NUDT2: variants seen among roughly 807,000 people sequenced by gnomAD.
NUDT2 encodes the protein nudix hydrolase 2.
Under a neutral mutation model 14.2 loss-of-function variants are expected in NUDT2, and 12 were observed. The ratio of observed to expected loss-of-function variants is 0.84; its 90% CI spans 0.54 to 1.37. NUDT2 has a LOEUF of 1.37. Ranked by LOEUF, NUDT2 falls within the 40% of genes most tolerant of loss-of-function variation. NUDT2 has a pLI of 0.00. For synonymous variants in NUDT2, 67 were observed against 67.4 expected (o/e 0.99, Z 0.03); for missense variants, 167 against 176.7 (o/e 0.95, Z 0.31).
chr9:34,330,109 C>T (rs1228240426), intron 1 of NUDT2, among the ~76,000 whole-genome samples: 1 of 152,250 alleles, frequency 6.6e-6, no homozygotes, highest in African/African-American at 2.4e-5. Context: ...AAAGGGACAG[C>T]GTAAACAATG....
In NUDT2 at chr9:34,334,680, A is replaced by G. The variant is rs772102425; in HGVS notation, c.-264-1549A>G. Among the ~76,000 whole-genome samples, 7 of 152,306 alleles carry G rather than the reference A, an allele frequency of 4.6e-5. No homozygotes were observed. In the East Asian group the frequency reaches 5.8e-4, roughly 13 times the overall value. On this transcript the variant is annotated intron_variant, in intron 1 of 4. Coordinates refer to ENST00000379158, the MANE Select transcript of NUDT2 (RefSeq NM_001161.5). Reference sequence around the variant, plus strand: ...GTGGGGAGAGAGTTCTTTTGAGTCAATGAACATCTGTTCAGAACTGCTGTG... The same window carrying G: ...GTGGGGAGAGAGTTCTTTTGAGTCAGTGAACATCTGTTCAGAACTGCTGTG...
intron 1 of NUDT2, among the ~76,000 whole-genome samples, chr9:34,334,012 C>T (rs1314312006): frequency 6.6e-6 from 1 of 152,080 alleles, no homozygotes; most frequent in Non-Finnish European, 1.5e-5. Context: ...GCTTAATTGA[C>T]AACGCGGCAT....
intron 1 of NUDT2, among the ~76,000 whole-genome samples, chr9:34,333,387 G>T (rs1200765805): frequency 1.3e-5 from 2 of 152,058 alleles, no homozygotes; most frequent in Non-Finnish European, 1.5e-5. Context: ...AGCACTTTGG[G>T]AGGCCAAAGT....
At chr9:34,332,563 G>T (rs1156984495) in intron 1 of NUDT2, among the ~76,000 whole-genome samples, 3 of 152,184 alleles carry the variant, frequency 2.0e-5, no homozygotes, top group Non-Finnish European at 4.4e-5. Context: ...ACAGCAGATG[G>T]CACTAATAGG....
intron 2 of NUDT2, among the ~76,000 whole-genome samples, chr9:34,337,834 G>C (rs372674113): frequency 7.2e-5 from 11 of 152,016 alleles, no homozygotes; most frequent in Admixed American, 3.9e-4. Context: ...GGAGGCTAAG[G>C]GGGGAGGACC....
At chr9:34,335,350 C>T (rs763575611) in intron 1 of NUDT2, among the ~76,000 whole-genome samples, 5 of 152,240 alleles carry the variant, frequency 3.3e-5, no homozygotes, top group Non-Finnish European at 4.4e-5. Flanking sequence ...GGTGCAGAGG[C>T]AGCAGAGTTG....
intron 1 of NUDT2, among the ~76,000 whole-genome samples, chr9:34,330,284 AG>A (rs944687145): frequency 6.6e-6 from 1 of 152,186 alleles, no homozygotes; most frequent in African/African-American, 2.4e-5. Flanking sequence ...GGGCACGTAT[AG>A]TCCCTGCTAC....
intron 1 of NUDT2, among the ~76,000 whole-genome samples, chr9:34,333,667 A>G (rs1399451912): frequency 6.6e-6 from 1 of 151,162 alleles, no homozygotes; most frequent in East Asian, 1.9e-4. Flanking sequence ...AAAAAAAAAA[A>G]AAAAAGGACT....
chr9:34,335,613 T>C (rs1838071575), intron 1 of NUDT2, among the ~76,000 whole-genome samples: 1 of 152,352 alleles, frequency 6.6e-6, no homozygotes, highest in East Asian at 1.9e-4. Flanking sequence ...AATAGCTGGC[T>C]CAAGCCAAGC....
At chr9:34,340,968 C>T (rs545941068) in intron 4 of NUDT2, among the ~76,000 whole-genome samples, 98 of 152,174 alleles carry the variant, frequency 6.4e-4, no homozygotes, top group African/African-American at 2.0e-3. Context: ...TGAGCCACCA[C>T]GCCTGGCCAG....
intron 1 of NUDT2, among the ~76,000 whole-genome samples, chr9:34,330,526 T>C (rs530217687): frequency 1.0e-5 from 1 of 97,348 alleles, no homozygotes; most frequent in East Asian, 2.2e-4. Context: ...TTTGAGTCAC[T>C]TACCCAGACA....
chr9:34,343,624 CA>C lies in NUDT2; in HGVS notation c.*188del. 1.8e-6 allele frequency: 1 copy of C among 555,120 alleles called. No homozygotes were observed. Among genetic ancestry groups the C allele is most frequent in the Non-Finnish European group, 3.1e-6 (1 of 319,868 alleles). The allele number at this position is 555,120 out of a possible 1,614,324, so 34.4% of individuals were successfully genotyped here. ...AATCTTGGCTGGGTGGAAAGGAAGG[CA>C]AAAGAGTAAAAATTAAAAAGGCCAG... On this transcript the variant is annotated 3_prime_UTR_variant, in exon 5 of 5. Coordinates refer to ENST00000379158, the MANE Select transcript of NUDT2 (RefSeq NM_001161.5).
At chr9:34,341,089 C>T (rs1288508427) in intron 4 of NUDT2, among the ~76,000 whole-genome samples, 2 of 152,166 alleles carry the variant, frequency 1.3e-5, no homozygotes, top group East Asian at 3.8e-4. Flanking sequence ...TTGAGTTGTA[C>T]TGGGGAGAAA....
At position 34,338,988 on chromosome 9, in the gene NUDT2, T is replaced by C. The variant is rs371496158; in HGVS notation, c.-16-36T>C. The C allele has an allele frequency of 5.2e-5, 82 of 1,573,614 alleles. 2 individuals carry two copies. In the African/African-American group the frequency reaches 7.8e-4, roughly 15 times the overall value. On this transcript the variant is annotated intron_variant, in intron 3 of 4. Coordinates refer to ENST00000379158, the MANE Select transcript of NUDT2 (RefSeq NM_001161.5). Reference sequence around the variant, plus strand: ...CCCCAGTATGGAGCTTCCTATTTTGTGTAACTTCCCAATATTCTGTATCTT... The same window carrying C: ...CCCCAGTATGGAGCTTCCTATTTTGCGTAACTTCCCAATATTCTGTATCTT...
rs1295270872 is a variant in NUDT2, at chr9:34,336,342, G to T, written c.-152+1G>T. On this transcript the variant is annotated splice_donor_variant, in intron 2 of 4. Coordinates refer to ENST00000379158, the MANE Select transcript of NUDT2 (RefSeq NM_001161.5). LOFTEE classifies it low-confidence loss of function (5UTR_SPLICE). ...GCTTCCTTTTGGCTTCTGGAATGGG[G>T]TAAGTTCTTGACATAAATAGGGAGT... The T allele has an allele frequency of 6.6e-6, 1 of 152,094 alleles. No homozygotes were observed. The highest frequency in any genetic ancestry group is 1.5e-5 in the Non-Finnish European group (1 of 68,030). The allele number at this position is 152,094 out of a possible 1,614,324, so 9.4% of individuals were successfully genotyped here.
chr9:34,342,493 C>T (rs557770019), intron 4 of NUDT2, among the ~76,000 whole-genome samples: 7 of 152,198 alleles, frequency 4.6e-5, no homozygotes, highest in South Asian at 2.1e-4. Context: ...AAGAAAGTTC[C>T]GAAGAATAAG....
Position 34,343,606 on chromosome 9 carries a change from G to T in NUDT2, c.*166G>T. The T allele has an allele frequency of 1.7e-6, 1 of 600,626 alleles. No homozygotes were observed. The highest frequency in any genetic ancestry group is 2.8e-6 in the Non-Finnish European group (1 of 358,982). The allele number at this position is 600,626 out of a possible 1,614,324, so 37.2% of individuals were successfully genotyped here. On this transcript the variant is annotated 3_prime_UTR_variant, in exon 5 of 5. Coordinates refer to ENST00000379158, the MANE Select transcript of NUDT2 (RefSeq NM_001161.5). ...CAGGTGAGAGCAAGCAAAAATCTTG[G>T]CTGGGTGGAAAGGAAGGCAAAAGAG...
chr9:34,335,052 C>G (rs952704452), intron 1 of NUDT2, among the ~76,000 whole-genome samples: 2 of 152,186 alleles, frequency 1.3e-5, no homozygotes, highest in African/African-American at 2.4e-5. Flanking sequence ...CACACAGCCC[C>G]CAGCACCCCT....
intron 2 of NUDT2, among the ~76,000 whole-genome samples, chr9:34,337,231 C>T (rs956652842): frequency 6.6e-6 from 1 of 152,094 alleles, no homozygotes; most frequent in African/African-American, 2.4e-5. Flanking sequence ...AACTCCTGAC[C>T]TCAGGTGATC....
Sources: allele counts gnomAD v4.1 joint callset (sites outside exome capture counted in the v4.1 genomes callset), GRCh38; gene constraint gnomAD v4.1.1; transcripts MANE v1.5; gene names NCBI Gene and HGNC (gene_info 2026-07-23, HGNC 2026-07-21).